The following CAMKK2 variants were observed in gnomAD, a reference collection of about 807,000 sequenced individuals.
CAMKK2 encodes the protein calcium/calmodulin dependent protein kinase kinase 2.
A neutral mutation model predicts 67.2 loss-of-function variants in CAMKK2; 30 were observed. The ratio of observed to expected loss-of-function variants is 0.45; its 90% CI spans 0.33 to 0.61. The LOEUF (loss-of-function observed/expected upper bound fraction) is 0.61. Among genes scored for constraint, CAMKK2 ranks in the 20% least tolerant of loss-of-function variants. The probability of loss-of-function intolerance (pLI) is 0.02; values close to 1 mark genes in which losing one functional copy is unlikely to be tolerated. For missense variants in CAMKK2, 643 were observed against 802.0 expected, an observed-to-expected ratio of 0.80 and a Z score of 2.39; for synonymous variants, 322 against 326.2, an observed-to-expected ratio of 0.99 and a Z score of 0.14.
intron 14 of CAMKK2, among the ~76,000 whole-genome samples, chr12:121,248,196 C>T (rs1889886986): frequency 1.3e-5 from 2 of 152,176 alleles, no homozygotes; most frequent in African/African-American, 4.8e-5. Flanking sequence ...AGTCCCTGCC[C>T]CTACCCCTGG....
intron 1 of CAMKK2, among the ~76,000 whole-genome samples, chr12:121,290,598 G>A (rs1899791601): frequency 6.6e-6 from 1 of 152,164 alleles, no homozygotes; most frequent in Admixed American, 6.5e-5. Context: ...GCTGAGGCAG[G>A]AGGATCTCTT....
chr12:121,279,400 C>A (rs139961423), intron 1 of CAMKK2, among the ~76,000 whole-genome samples: 1 of 152,174 alleles, frequency 6.6e-6, no homozygotes, highest in African/African-American at 2.4e-5. Context: ...GTGTCCTGAA[C>A]GGTTTGGGGG....
At chr12:121,250,724 T>A (rs1890550997) in intron 11 of CAMKK2, among the ~76,000 whole-genome samples, 1 of 152,212 alleles carries the variant, frequency 6.6e-6, no homozygotes, top group African/African-American at 2.4e-5. Context: ...AAGGCAGGGA[T>A]TTCTGGCTGT....
chr12:121,292,563 C>A (rs978393989), intron 1 of CAMKK2, among the ~76,000 whole-genome samples: 4 of 152,170 alleles, frequency 2.6e-5, no homozygotes, highest in African/African-American at 9.7e-5. Context: ...GAGACACAGA[C>A]GCAAGGCTGA....
intron 14 of CAMKK2, among the ~76,000 whole-genome samples, chr12:121,246,483 T>C (rs2686341): frequency 0.45 from 68,343 of 151,406 alleles, 16,179 homozygotes; most frequent in Non-Finnish European, 0.53. Context: ...GAGGCGGAGG[T>C]TGCAGTGAGC....
At chr12:121,252,411 G>A (rs902052512) in intron 11 of CAMKK2, among the ~76,000 whole-genome samples, 3 of 152,232 alleles carry the variant, frequency 2.0e-5, no homozygotes, top group African/African-American at 7.2e-5. Context: ...TGGGACTATA[G>A]GCATGCGCCA....
chr12:121,262,109 T>C (rs1000906823), intron 6 of CAMKK2, among the ~76,000 whole-genome samples: 1 of 152,146 alleles, frequency 6.6e-6, no homozygotes, highest in Admixed American at 6.5e-5. Flanking sequence ...AAACATTGAA[T>C]GCAAAAGCAG....
rs1286822921 is a variant in CAMKK2, at chr12:121,244,572, C to T, written c.1596+1G>A. On this transcript the variant is annotated splice_donor_variant, in intron 16 of 16. Coordinates refer to ENST00000404169, the MANE Select transcript of CAMKK2 (RefSeq NM_001270485.2). LOFTEE classifies it high-confidence loss of function. Reference sequence around the variant, plus strand: ...CTACGGCACAGGCAGGCGGGCGTTACCTTGAGCTCAGACAGGGACTCACAT... The same window carrying T: ...CTACGGCACAGGCAGGCGGGCGTTATCTTGAGCTCAGACAGGGACTCACAT... 6.4e-7 allele frequency: 1 copy of T among 1,559,280 alleles called. No individual in the cohort carries two copies. The highest frequency in any genetic ancestry group is 8.7e-7 in the Non-Finnish European group (1 of 1,151,434).
In CAMKK2 at chr12:121,296,641, GGCTCCGCGCCGCCGCCGCCTCCCGC is replaced by G. The variant is rs1280124430; in HGVS notation, c.-88_-64del. The G allele has an allele frequency of 1.3e-5, 2 of 151,444 alleles. No homozygotes were observed. Among genetic ancestry groups the G allele is most frequent in the South Asian group, 2.1e-4 (1 of 4,846 alleles). The allele number at this position is 151,444 out of a possible 1,614,324, so 9.4% of individuals were successfully genotyped here. A position where few individuals can be genotyped will look rare whatever the true frequency, so the allele number is the denominator to read the frequency against. ...GGCCCGGCTACCGCCAGCTCACCTG[GGCTCCGCGCCGCCGCCGCCTCCCGC>G]GCTCTGCGCCCCCAGCTCGGCTCGG... On this transcript the variant is annotated 5_prime_UTR_variant, in exon 1 of 17. Transcript: ENST00000404169. The surrounding 1 kb of genome is among the most constrained non-coding windows in gnomAD (Gnocchi z 7.1).
intron 1 of CAMKK2, among the ~76,000 whole-genome samples, chr12:121,282,702 C>T (rs1417850458): frequency 1.3e-5 from 2 of 152,202 alleles, no homozygotes; most frequent in African/African-American, 4.8e-5. Flanking sequence ...AAGGCTTGAT[C>T]CCAGACTTCT....
chr12:121,240,304 A>T lies in CAMKK2; in HGVS notation c.*395T>A. Reference sequence around the variant, plus strand: ...GCAGCAACCACCTCCATGGCCTCAGACCGCCGGAGTTTTCTGCTCGCCTTT... The same window carrying T: ...GCAGCAACCACCTCCATGGCCTCAGTCCGCCGGAGTTTTCTGCTCGCCTTT... On this transcript the variant is annotated 3_prime_UTR_variant, in exon 17 of 17. Transcript: ENST00000404169. This position sits in a 1 kb window ranked among gnomAD's most constrained non-coding sequence, Gnocchi z 4.4. 1 of 819,876 alleles carries T rather than the reference A, an allele frequency of 1.2e-6. No individual in the cohort carries two copies. The highest frequency in any genetic ancestry group is 1.9e-6 in the Non-Finnish European group (1 of 535,542). The allele number at this position is 819,876 out of a possible 1,614,324, so 50.8% of individuals were successfully genotyped here.
At chr12:121,294,550 GCTC>G (rs1243911480) in intron 1 of CAMKK2, among the ~76,000 whole-genome samples, 1 of 152,194 alleles carries the variant, frequency 6.6e-6, no homozygotes. Context: ...AAACTCCTGG[GCTC>G]CTCAAGAAGC....
chr12:121,240,418 T>A lies in CAMKK2; in HGVS notation c.*281A>T. 1.3e-6 allele frequency: 2 copies of A among 1,518,804 alleles called. 1 individual carries two copies. The highest frequency in any genetic ancestry group is 2.5e-5 in the South Asian group (2 of 81,094). The allele number at this position is 1,518,804 out of a possible 1,614,324, so 94.1% of individuals were successfully genotyped here. ...TGAAGGATTTTTGGCATAAAAACGT[T>A]TTAAAAAGCAATTGTCCCAAAATGC... On this transcript the variant is annotated 3_prime_UTR_variant, in exon 17 of 17. Transcript: ENST00000404169. This position sits in a 1 kb window ranked among gnomAD's most constrained non-coding sequence, Gnocchi z 4.4.
chr12:121,255,914 A>T, intron 7 of CAMKK2, 110 bp from the exon 8 acceptor site: 1 of 1,010,824 alleles, frequency 9.9e-7, no homozygotes, highest in South Asian at 1.3e-5. Flanking sequence ...GACAGAAACT[A>T]GTATTAGAGC....
At chr12:121,264,365 T>C (rs1432419124) in intron 5 of CAMKK2, among the ~76,000 whole-genome samples, 1 of 152,212 alleles carries the variant, frequency 6.6e-6, no homozygotes, top group Non-Finnish European at 1.5e-5. Context: ...GGCTGGGCGC[T>C]ATGGCTCATG....
rs1406251299 is a variant in CAMKK2, at chr12:121,252,592, C to T, written c.1161+69G>A. On this transcript the variant is annotated intron_variant, in intron 11 of 16. Transcript: ENST00000404169. ...TCTTAAATAAGTAAGTACTGTCTCC[C>T]CGCAAGGGTGACTATTAACCCAGGG... 2.8e-6 allele frequency: 4 copies of T among 1,439,500 alleles called. No individual in the cohort carries two copies. In the East Asian group the frequency reaches 6.8e-5, roughly 25 times the overall value. The allele number at this position is 1,439,500 out of a possible 1,614,324, so 89.2% of individuals were successfully genotyped here.
chr12:121,276,902 T>TG (rs3078969), intron 1 of CAMKK2, among the ~76,000 whole-genome samples: 13,323 of 46,228 alleles, frequency 0.29, 921 homozygotes, highest in Middle Eastern at 0.48. Flanking sequence ...AAGGGCGGGG[T>TG]GGGGGGGGGG....
At chr12:121,258,515 C>T (rs1413781317) in intron 7 of CAMKK2, among the ~76,000 whole-genome samples, 1 of 152,114 alleles carries the variant, frequency 6.6e-6, no homozygotes, top group Non-Finnish European at 1.5e-5. Context: ...CTGCCCTTTG[C>T]ATGTCAGGCC....
At chr12:121,272,481 C>T (rs1895968876) in intron 2 of CAMKK2, among the ~76,000 whole-genome samples, 2 of 152,122 alleles carry the variant, frequency 1.3e-5, no homozygotes, top group Admixed American at 1.3e-4. Flanking sequence ...AATTCTCCCT[C>T]CTCTCAACTC....
Sources: allele counts gnomAD v4.1 joint callset (sites outside exome capture counted in the v4.1 genomes callset), GRCh38; gene constraint gnomAD v4.1.1; non-coding constraint Gnocchi (gnomAD v3.1); transcripts MANE v1.5; gene names NCBI Gene and HGNC (gene_info 2026-07-23, HGNC 2026-07-21).